Variants in NECTIN3 observed in about 807,000 individuals in gnomAD.
NECTIN3 encodes the protein nectin cell adhesion molecule 3, also known as nectin-3.
A neutral mutation model predicts 49.4 loss-of-function variants in NECTIN3; 8 were observed. That is an observed-to-expected ratio of 0.16 (90% CI 0.10 to 0.29). The LOEUF is 0.29. Ranked by LOEUF, NECTIN3 falls within the 10% of genes least tolerant of loss-of-function variation. The pLI is 1.00. For missense variants in NECTIN3, 581 were observed against 654.6 expected (o/e 0.89, Z 1.23); for synonymous variants, 277 against 241.1 (o/e 1.15, Z -1.38).
intron 7 of NECTIN3, among the ~76,000 whole-genome samples, chr3:111,179,976 G>T (rs1194228717): frequency 6.6e-6 from 1 of 151,408 alleles, no homozygotes; most frequent in Non-Finnish European, 1.5e-5. Flanking sequence ...ACAACTGATT[G>T]TAGATATTAG....
intron 3 of NECTIN3, among the ~76,000 whole-genome samples, chr3:111,121,288 C>T (rs1445989346): frequency 2.0e-5 from 3 of 151,852 alleles, no homozygotes; most frequent in Non-Finnish European, 4.4e-5. Context: ...GCTGGGATTA[C>T]AGGCGTGAGC....
At chr3:111,108,223 A>ATT (rs10576910) in intron 1 of NECTIN3, among the ~76,000 whole-genome samples, 6,496 of 136,340 alleles carry the variant, frequency 0.048, 501 homozygotes, top group African/African-American at 0.15. Context: ...CCACTTCTAA[A>ATT]TTTTTTTTTT....
downstream of NECTIN3, among the ~76,000 whole-genome samples, chr3:111,142,460 T>C (rs2034770637): frequency 1.3e-5 from 2 of 151,840 alleles, no homozygotes. Flanking sequence ...AGTGTTGTGA[T>C]ATAGTCAACT....
chr3:111,127,286 G>C (rs1323993012), intron 5 of NECTIN3, among the ~76,000 whole-genome samples: 1 of 152,082 alleles, frequency 6.6e-6, no homozygotes, highest in Non-Finnish European at 1.5e-5. Context: ...TGTGTGATCA[G>C]TCCAAGAAAA....
chr3:111,095,726 T>C (rs2032546184), intron 1 of NECTIN3, among the ~76,000 whole-genome samples: 1 of 152,170 alleles, frequency 6.6e-6, no homozygotes. Context: ...TCATGAGATC[T>C]GATGGTTTTA....
At chr3:111,168,384 A>G (rs139731863) in intron 7 of NECTIN3, among the ~76,000 whole-genome samples, 362 of 152,272 alleles carry the variant, frequency 2.4e-3, no homozygotes, top group African/African-American at 8.3e-3. Flanking sequence ...TAAGCTAGAT[A>G]TGTTCATACA....
chr3:111,167,074 G>A (rs1219947713), intron 7 of NECTIN3, among the ~76,000 whole-genome samples: 4 of 152,008 alleles, frequency 2.6e-5, no homozygotes, highest in African/African-American at 4.8e-5. Flanking sequence ...TTTTGCACAC[G>A]TAGGTGATTC....
At chr3:111,186,815 A>G (rs2035727995) in intron 7 of NECTIN3, among the ~76,000 whole-genome samples, 2 of 152,176 alleles carry the variant, frequency 1.3e-5, no homozygotes, top group Non-Finnish European at 2.9e-5. Flanking sequence ...TAGTACATGT[A>G]AGTAGAGAAG....
At position 111,072,067 on chromosome 3, in the gene NECTIN3, C is replaced by T. The variant is rs2030778540; in HGVS notation, c.50C>T (p.Ala17Val). 1.3e-6 allele frequency: 2 copies of T among 1,548,964 alleles called. No individual in the cohort carries two copies. The highest frequency in any genetic ancestry group is 1.7e-6 in the Non-Finnish European group (2 of 1,145,990). The change falls in exon 1 of 6, where the codon GCA becomes GTA. Residue 17 changes from alanine (A) to valine (V), a missense_variant. Physicochemically the swap from Ala to Val is moderately conservative, Grantham distance 64. Around this residue, in one of 3 missense-constraint regions of NECTIN3, gnomAD observed 109 missense variants for 69.1 expected, o/e 1.58. Transcript: ENST00000485303. ...CCGCTGTGTCCTGGAGGCGGCAAAGCACAACTTTCCTCCGCTTCTCTCCTC... is the reference window on the plus strand; with the variant it reads ...CCGCTGTGTCCTGGAGGCGGCAAAGTACAACTTTCCTCCGCTTCTCTCCTC... ...PSPLCPGGGKAQLSSASLLGA... is the reference protein window; with the variant it reads ...PSPLCPGGGKVQLSSASLLGA...
At chr3:111,148,075 A>G (rs1223739605) in intron 7 of NECTIN3, among the ~76,000 whole-genome samples, 1 of 152,104 alleles carries the variant, frequency 6.6e-6, no homozygotes, top group African/African-American at 2.4e-5. Flanking sequence ...TTGTGTTTGT[A>G]TGTTTGTTTT....
intron 7 of NECTIN3, among the ~76,000 whole-genome samples, chr3:111,178,474 C>T (rs1307606948): frequency 1.3e-5 from 2 of 152,190 alleles, no homozygotes; most frequent in African/African-American, 4.8e-5. Context: ...CATTATCCTA[C>T]AACAAATGAC....
intron 1 of NECTIN3, among the ~76,000 whole-genome samples, chr3:111,107,121 AT>A (rs201893623): frequency 6.6e-5 from 10 of 151,108 alleles, no homozygotes; most frequent in South Asian, 2.1e-4. Flanking sequence ...ATCTCCCTTC[AT>A]TTTTTTTTAA....
intron 1 of NECTIN3, among the ~76,000 whole-genome samples, chr3:111,080,266 T>C (rs1193286634): frequency 6.6e-6 from 1 of 152,162 alleles, no homozygotes; most frequent in Non-Finnish European, 1.5e-5. Context: ...TGAAACTGCA[T>C]TGTTTATCAA....
intron 7 of NECTIN3, among the ~76,000 whole-genome samples, chr3:111,186,884 A>C (rs1268140840): frequency 6.6e-6 from 1 of 152,236 alleles, no homozygotes; most frequent in African/African-American, 2.4e-5. Flanking sequence ...AGATACAAGA[A>C]TAATATATGC....
intron 1 of NECTIN3, 121 bp from the exon 2 acceptor site, chr3:111,111,909 G>A (rs867385364): frequency 6.0e-6 from 2 of 331,172 alleles, no homozygotes; most frequent in South Asian, 4.3e-5. Context: ...ATGTGTGTGT[G>A]TGTGTGTGTG....
chr3:111,192,968 C>T (rs1015607028), intron 1 of NECTIN3, among the ~76,000 whole-genome samples: 1 of 152,118 alleles, frequency 6.6e-6, no homozygotes, highest in Non-Finnish European at 1.5e-5. Context: ...TCCCAGTCCC[C>T]ATTAGTCACA....
At chr3:111,167,049 CAGTT>C (rs1012548846) in intron 7 of NECTIN3, among the ~76,000 whole-genome samples, 45 of 151,910 alleles carry the variant, frequency 3.0e-4, no homozygotes, top group African/African-American at 5.6e-4. Context: ...AATTGAATGT[CAGTT>C]AGAAGTGAAT....
At chr3:111,078,160 G>A (rs1438434868) in intron 1 of NECTIN3, among the ~76,000 whole-genome samples, 1 of 152,120 alleles carries the variant, frequency 6.6e-6, no homozygotes, top group Non-Finnish European at 1.5e-5. Flanking sequence ...CTACCAGTTT[G>A]GATAGTTCAA....
At chr3:111,140,306 G>A (rs1047350817), downstream of NECTIN3, among the ~76,000 whole-genome samples, 6 of 150,744 alleles carry the variant, frequency 4.0e-5, no homozygotes, top group Non-Finnish European at 7.4e-5. Flanking sequence ...GAGGTTTATT[G>A]TTAATGAGTA....
Sources: gnomAD v4.1 joint callset for allele counts (sites outside exome capture counted in the v4.1 genomes callset) on GRCh38, gnomAD v4.1.1 for gene constraint, gnomAD v4.1.1 regional missense constraint, MANE v1.5 for transcripts, NCBI Gene and HGNC (gene_info 2026-07-23, HGNC 2026-07-21) for gene names.